The following THADA variants were observed in gnomAD, a reference collection of about 807,000 sequenced individuals.
THADA encodes the protein tRNA (32-2'-O)-methyltransferase regulator THADA.
THADA carries 213 observed loss-of-function variants against 219.8 expected under a neutral mutation model. That is an observed-to-expected ratio of 0.97 (90% CI 0.87 to 1.09). The LOEUF is 1.09. Among genes scored for constraint, THADA ranks in the 50% least tolerant of loss-of-function variants. The pLI is 0.00. For missense variants in THADA, 2,956 were observed against 2,311.3 expected (o/e 1.28, Z -5.72); for synonymous variants, 1,018 against 828.9 (o/e 1.23, Z -3.92).
intron 24 of THADA, 102 bp downstream of exon 24, chr2:43,505,520 C>T: frequency 1.2e-6 from 1 of 854,676 alleles, no homozygotes; most frequent in Non-Finnish European, 1.8e-6. Flanking sequence ...CGCCACTGTA[C>T]TCCAGCCTGG....
intron 30 of THADA, among the ~76,000 whole-genome samples, chr2:43,327,215 C>T (rs537920541): frequency 2.6e-5 from 4 of 152,292 alleles, no homozygotes; most frequent in African/African-American, 9.6e-5. Flanking sequence ...CTGGCAGGCT[C>T]ATCCCAGCCC....
intron 15 of THADA, among the ~76,000 whole-genome samples, chr2:43,560,962 A>G (rs1481129806): frequency 6.8e-6 from 1 of 147,538 alleles, no homozygotes; most frequent in Non-Finnish European, 1.5e-5. Context: ...GATTGCAGTG[A>G]GCTGAGCTCA....
intron 31 of THADA, among the ~76,000 whole-genome samples, chr2:43,317,076 T>C (rs1678168695): frequency 6.6e-6 from 1 of 152,216 alleles, no homozygotes; most frequent in Admixed American, 6.5e-5. Flanking sequence ...GGAAACAACG[T>C]GTCTCAAAGC....
At chr2:43,327,792 C>T (rs978474651) in intron 30 of THADA, among the ~76,000 whole-genome samples, 15 of 152,158 alleles carry the variant, frequency 9.9e-5, no homozygotes, top group African/African-American at 3.4e-4. Context: ...CTTCAAAGCC[C>T]CTCCTCTATT....
chr2:43,400,457 T>TATATATATA (rs1674666200), intron 28 of THADA, among the ~76,000 whole-genome samples: 1 of 89,902 alleles, frequency 1.1e-5, no homozygotes, highest in Non-Finnish European at 2.7e-5. Flanking sequence ...ATAGACAAAT[T>TATATATATA]TATATATATA....
At chr2:43,302,642 A>T (rs552037503) in intron 31 of THADA, among the ~76,000 whole-genome samples, 1 of 152,242 alleles carries the variant, frequency 6.6e-6, no homozygotes, top group East Asian at 1.9e-4. Flanking sequence ...TTATTTTGCA[A>T]AGGATGTTAA....
At chr2:43,583,734 AT>A (rs1195648516) in intron 7 of THADA, among the ~76,000 whole-genome samples, 1 of 152,204 alleles carries the variant, frequency 6.6e-6, no homozygotes, top group African/African-American at 2.4e-5. Flanking sequence ...ACAAAAAGGA[AT>A]GAAATTCTGA....
intron 29 of THADA, chr2:43,372,297 T>C (rs1228409591): frequency 6.6e-6 from 1 of 152,234 alleles, no homozygotes; most frequent in African/African-American, 2.4e-5. Flanking sequence ...AACACACAAG[T>C]ACTGTTTCTG....
intron 28 of THADA, among the ~76,000 whole-genome samples, chr2:43,399,830 G>C (rs1167220023): frequency 6.6e-6 from 1 of 151,898 alleles, no homozygotes; most frequent in African/African-American, 2.4e-5. Context: ...TTGGCCTATA[G>C]GAAATGGTAA....
intron 28 of THADA, among the ~76,000 whole-genome samples, chr2:43,399,982 T>C (rs1280160712): frequency 6.6e-6 from 1 of 152,254 alleles, no homozygotes; most frequent in Non-Finnish European, 1.5e-5. Context: ...CTTCCCCTTC[T>C]GTCTGTCCCC....
intron 17 of THADA, among the ~76,000 whole-genome samples, chr2:43,553,405 T>C (rs780520090): frequency 4.6e-5 from 7 of 152,180 alleles, no homozygotes; most frequent in Non-Finnish European, 7.4e-5. Context: ...AGGACCCTCA[T>C]AATGGGATTA....
At chr2:43,454,071 TA>T (rs1682691768) in intron 26 of THADA, among the ~76,000 whole-genome samples, 1 of 152,178 alleles carries the variant, frequency 6.6e-6, no homozygotes, top group Non-Finnish European at 1.5e-5. Flanking sequence ...GGTCTCGCTA[TA>T]TTGCCCAAAC....
At chr2:43,401,169 T>A (rs1186942270) in intron 28 of THADA, among the ~76,000 whole-genome samples, 2 of 152,220 alleles carry the variant, frequency 1.3e-5, no homozygotes, top group Non-Finnish European at 2.9e-5. Flanking sequence ...CAGACACCAG[T>A]GTCTTAAAAC....
rs749590222 is a variant in THADA, at chr2:43,586,951, A to T, written c.354T>A (p.Phe118Leu). 6.2e-7 allele frequency: 1 copy of T among 1,613,818 alleles called. No individual in the cohort carries two copies. Among genetic ancestry groups the T allele is most frequent in the Admixed American group, 1.7e-5 (1 of 59,978 alleles). Residue 118 changes from phenylalanine to leucine, a missense_variant, in exon 5 of 38, where the codon TTT becomes TTA. Phe to Leu is a conservative substitution (Grantham distance 22). Transcript: ENST00000405975. ...DFFLPEAMHRFTSRLQEELNT... is the reference protein window; with the variant it reads ...DFFLPEAMHRLTSRLQEELNT... ...TCAATTCTTCCTGAAGACGAGAAGT[A>T]AAACGGTGCATAGCCTCAGGTAGAA...
intron 36 of THADA, among the ~76,000 whole-genome samples, chr2:43,274,024 C>T (rs1052130950): frequency 3.3e-5 from 5 of 152,170 alleles, no homozygotes; most frequent in Non-Finnish European, 7.3e-5. Flanking sequence ...CATTTTTCTA[C>T]ATCTCGCTCC....
At chr2:43,252,549 T>C (rs1269883598) in intron 36 of THADA, among the ~76,000 whole-genome samples, 3 of 152,174 alleles carry the variant, frequency 2.0e-5, no homozygotes, top group Admixed American at 1.3e-4. Flanking sequence ...CCACATCATA[T>C]GGCCTCTTTA....
intron 36 of THADA, among the ~76,000 whole-genome samples, chr2:43,233,777 C>G (rs1294061497): frequency 6.6e-6 from 1 of 152,160 alleles, no homozygotes; most frequent in Admixed American, 6.5e-5. Flanking sequence ...CTTCCCCTAA[C>G]AACTCTGCCC....
chr2:43,246,495 AAAAC>A (rs527889913), intron 36 of THADA, among the ~76,000 whole-genome samples: 57 of 151,778 alleles, frequency 3.8e-4, no homozygotes, highest in Admixed American at 5.9e-4. Flanking sequence ...ACTCGTCTCA[AAAAC>A]AAACAAACAA....
chr2:43,389,819 C>T (rs1417957760), intron 29 of THADA, among the ~76,000 whole-genome samples: 2 of 152,226 alleles, frequency 1.3e-5, no homozygotes, highest in African/African-American at 4.8e-5. Flanking sequence ...GTCTCCAGTC[C>T]ATCCTGGTCT....
Sources: allele counts gnomAD v4.1 joint callset (sites outside exome capture counted in the v4.1 genomes callset), GRCh38; gene constraint gnomAD v4.1.1; transcripts MANE v1.5; gene names NCBI Gene and HGNC (gene_info 2026-07-23, HGNC 2026-07-21).